The following UBE2R2 variants were observed in gnomAD, a reference collection of about 807,000 sequenced individuals.
UBE2R2 encodes ubiquitin conjugating enzyme E2 R2, also known as ubiquitin-conjugating enzyme E2 R2.
Under a neutral mutation model 27.8 loss-of-function variants are expected in UBE2R2, and 1 was observed. The ratio of observed to expected loss-of-function variants is 0.04; its 90% CI spans 0.01 to 0.17. The LOEUF is 0.17. Ranked by LOEUF, UBE2R2 falls within the 10% of genes least tolerant of loss-of-function variation. The pLI is 1.00. For missense variants in UBE2R2, 100 were observed against 291.0 expected (o/e 0.34, Z 4.78); for synonymous variants, 106 against 113.3 (o/e 0.94, Z 0.41).
chr9:33,846,675 A>G lies in UBE2R2; in HGVS notation c.177+28741A>G, dbSNP rs1820853739. ...AGCAGTGTGAAGTGATGAGAACACC[A>G]CATATGGTCTCTTGCAACTGCTAAA... On this transcript the variant is annotated intron_variant, in intron 1 of 4. Coordinates refer to ENST00000263228, the MANE Select transcript of UBE2R2 (RefSeq NM_017811.4). Among the ~76,000 whole-genome samples, 3 of 152,226 alleles carry G rather than the reference A, an allele frequency of 2.0e-5. No individual in the cohort carries two copies. The South Asian group carries it at 6.2e-4, about 31-fold the overall frequency.
At chr9:33,907,111 T>C (rs1822373429) in intron 3 of UBE2R2, among the ~76,000 whole-genome samples, 1 of 152,202 alleles carries the variant, frequency 6.6e-6, no homozygotes, top group Non-Finnish European at 1.5e-5. Context: ...ATATATTATA[T>C]ATGATGTGTT....
intron 1 of UBE2R2, 63 bp downstream of exon 1, chr9:33,817,997 T>C (rs1309595549): frequency 1.3e-6 from 2 of 1,567,260 alleles, no homozygotes; most frequent in Non-Finnish European, 1.7e-6. Context: ...CCCGCCGCTT[T>C]CTGCAGTTCC....
intron 1 of UBE2R2, among the ~76,000 whole-genome samples, chr9:33,881,648 A>AT (rs1369920754): frequency 6.6e-6 from 1 of 152,108 alleles, no homozygotes; most frequent in African/African-American, 2.4e-5. Flanking sequence ...ATATTCCTCC[A>AT]TTTGGGTTAT....
At chr9:33,834,490 G>T (rs893208544) in intron 1 of UBE2R2, among the ~76,000 whole-genome samples, 1 of 151,990 alleles carries the variant, frequency 6.6e-6, no homozygotes, top group Non-Finnish European at 1.5e-5. Flanking sequence ...GGGATTACAG[G>T]CGTGAGCCAC....
At chr9:33,908,990 T>C (rs1320897403) in intron 3 of UBE2R2, among the ~76,000 whole-genome samples, 1 of 144,730 alleles carries the variant, frequency 6.9e-6, no homozygotes, top group Non-Finnish European at 1.5e-5. Context: ...CGGGGCAACA[T>C]AGTGAGACCC....
intron 1 of UBE2R2, among the ~76,000 whole-genome samples, chr9:33,862,801 C>A (rs1402047420): frequency 1.3e-5 from 2 of 152,076 alleles, no homozygotes; most frequent in Admixed American, 6.6e-5. Context: ...TGTGGTTTTG[C>A]CTTTAACATA....
chr9:33,898,294 C>A (rs926625659), intron 2 of UBE2R2, among the ~76,000 whole-genome samples: 1 of 151,914 alleles, frequency 6.6e-6, no homozygotes, highest in Non-Finnish European at 1.5e-5. Flanking sequence ...ACTGGCCAGG[C>A]TGGTCTTAAA....
At chr9:33,830,097 T>TA (rs1224844095) in intron 1 of UBE2R2, among the ~76,000 whole-genome samples, 1 of 151,548 alleles carries the variant, frequency 6.6e-6, no homozygotes, top group Admixed American at 6.6e-5. Flanking sequence ...GCGCCCAGCC[T>TA]AATCAGTGCA....
In UBE2R2 at chr9:33,817,228, C is replaced by A. The variant is rs1305759625; in HGVS notation, c.-530C>A. On this transcript the variant is annotated 5_prime_UTR_variant, in exon 1 of 5. Transcript: ENST00000263228. ...CTCCTCCTCCTCCGCCGTCGCCCCT[C>A]CCCCCGCGCAGCCCCCGCCGCCACC... 6.7e-6 allele frequency among the ~76,000 whole-genome samples: 1 copy of A among 149,700 alleles called. No homozygotes were observed. Among genetic ancestry groups the A allele is most frequent in the Non-Finnish European group, 1.5e-5 (1 of 67,028 alleles).
chr9:33,868,179 A>G (rs1008299973), intron 1 of UBE2R2, among the ~76,000 whole-genome samples: 2 of 152,110 alleles, frequency 1.3e-5, no homozygotes, highest in African/African-American at 4.8e-5. Context: ...AAGATAGCCG[A>G]ATTTTTCCTA....
chr9:33,861,390 A>G (rs1445199909), intron 1 of UBE2R2, among the ~76,000 whole-genome samples: 2 of 152,016 alleles, frequency 1.3e-5, no homozygotes, highest in African/African-American at 4.8e-5. Flanking sequence ...CGACATCTCT[A>G]CAAACCCCAT....
intron 3 of UBE2R2, 137 bp from the exon 4 acceptor site, chr9:33,911,827 G>T (rs1379641397): frequency 1.6e-5 from 12 of 753,952 alleles, no homozygotes; most frequent in Non-Finnish European, 2.0e-5. Flanking sequence ...TTCCCCCAAG[G>T]TCTTAAATTT....
chr9:33,909,149 G>A (rs907776722), intron 3 of UBE2R2, among the ~76,000 whole-genome samples: 14 of 152,044 alleles, frequency 9.2e-5, no homozygotes, highest in African/African-American at 1.7e-4. Flanking sequence ...CATCGTCGTC[G>A]TCATTGAAAG....
intron 3 of UBE2R2, among the ~76,000 whole-genome samples, chr9:33,909,669 T>G (rs1051064882): frequency 3.9e-5 from 6 of 152,024 alleles, no homozygotes; most frequent in African/African-American, 1.4e-4. Flanking sequence ...TCTGCCCACC[T>G]CGGCCTCCCA....
chr9:33,872,085 T>A (rs1329001649), intron 1 of UBE2R2, among the ~76,000 whole-genome samples: 3 of 152,018 alleles, frequency 2.0e-5, no homozygotes, highest in Non-Finnish European at 4.4e-5. Context: ...AATTTTTTTT[T>A]AATTAAAGAC....
chr9:33,891,498 T>A (rs1821987383), intron 2 of UBE2R2, among the ~76,000 whole-genome samples: 1 of 151,804 alleles, frequency 6.6e-6, no homozygotes, highest in Non-Finnish European at 1.5e-5. Context: ...ATAGAAAAAA[T>A]TAGCTGGGCA....
At chr9:33,906,612 A>G (rs1337206818) in intron 3 of UBE2R2, among the ~76,000 whole-genome samples, 1 of 152,194 alleles carries the variant, frequency 6.6e-6, no homozygotes, top group East Asian at 1.9e-4. Flanking sequence ...TGCTAGGGCT[A>G]TCACAACCCT....
chr9:33,842,090 G>A (rs991022021), intron 1 of UBE2R2, among the ~76,000 whole-genome samples: 3 of 152,010 alleles, frequency 2.0e-5, no homozygotes, highest in Admixed American at 6.6e-5. Context: ...TTGCAGGCCC[G>A]GAGGCAAAAT....
chr9:33,901,593 TA>T (rs1587479358), intron 3 of UBE2R2, among the ~76,000 whole-genome samples: 2 of 152,284 alleles, frequency 1.3e-5, no homozygotes, highest in East Asian at 3.9e-4. Flanking sequence ...TTTTTACTGA[TA>T]CAAAAACTAA....
Sources: gnomAD v4.1 joint callset for allele counts (sites outside exome capture counted in the v4.1 genomes callset) on GRCh38, gnomAD v4.1.1 for gene constraint, MANE v1.5 for transcripts, NCBI Gene and HGNC (gene_info 2026-07-23, HGNC 2026-07-21) for gene names.